The following ADAMTSL1 variants were observed in gnomAD, a reference collection of about 807,000 sequenced individuals.
ADAMTSL1 encodes the protein ADAMTS like 1, also known as ADAMTS-like protein 1.
ADAMTSL1 carries 126 observed loss-of-function variants against 201.8 expected under a neutral mutation model. That is an observed-to-expected ratio of 0.62 (90% CI 0.54 to 0.72). The LOEUF is 0.72. Among genes scored for constraint, ADAMTSL1 ranks in the 30% least tolerant of loss-of-function variants. ADAMTSL1 has a pLI of 0.00. For missense variants in ADAMTSL1, 2,679 were observed against 2,277.8 expected (o/e 1.18, Z -3.59); for synonymous variants, 1,121 against 903.4 (o/e 1.24, Z -4.32).
intron 7 of ADAMTSL1, among the ~76,000 whole-genome samples, chr9:18,657,116 G>C (rs1426703589): frequency 6.6e-6 from 1 of 152,222 alleles, no homozygotes; most frequent in African/African-American, 2.4e-5. Flanking sequence ...CTTTTAGCAA[G>C]CATCTAGTTG....
chr9:18,642,349 G>T (rs1488042008), intron 7 of ADAMTSL1, among the ~76,000 whole-genome samples: 3 of 151,890 alleles, frequency 2.0e-5, no homozygotes, highest in Non-Finnish European at 4.4e-5. Flanking sequence ...TATACAACAT[G>T]TTTTCAAATA....
At chr9:18,365,603 G>C (rs1417335439) in intron 2 of ADAMTSL1, among the ~76,000 whole-genome samples, 1 of 152,148 alleles carries the variant, frequency 6.6e-6, no homozygotes, top group Non-Finnish European at 1.5e-5. Flanking sequence ...GAAGAAAAGG[G>C]AAAGAGGAAC....
chr9:18,627,128 C>T (rs896173969), intron 5 of ADAMTSL1, among the ~76,000 whole-genome samples: 1 of 151,862 alleles, frequency 6.6e-6, no homozygotes, highest in Admixed American at 6.6e-5. Flanking sequence ...ATTACAGGTG[C>T]ACACCATCAT....
At chr9:18,010,256 T>C (rs935986093) in intron 1 of ADAMTSL1, among the ~76,000 whole-genome samples, 23 of 151,970 alleles carry the variant, frequency 1.5e-4, no homozygotes, top group African/African-American at 4.8e-4. Flanking sequence ...CCCTGCATAG[T>C]AGAAAAATTG....
chr9:18,573,166 A>G (rs1201285149), intron 3 of ADAMTSL1: 1 of 152,680 alleles, frequency 6.5e-6, no homozygotes, highest in Admixed American at 6.5e-5. Flanking sequence ...AATTGAGAGA[A>G]TCTCCTCATA....
intron 2 of ADAMTSL1, among the ~76,000 whole-genome samples, chr9:18,378,851 G>A (rs866432813): frequency 3.3e-5 from 5 of 152,028 alleles, no homozygotes; most frequent in South Asian, 2.1e-4. Context: ...CATTACAAAG[G>A]TTAATGGGAT....
At chr9:18,140,312 G>T (rs1251775410) in intron 1 of ADAMTSL1, among the ~76,000 whole-genome samples, 1 of 152,082 alleles carries the variant, frequency 6.6e-6, no homozygotes, top group African/African-American at 2.4e-5. Context: ...GATTTGCCGA[G>T]ACTCAGGACT....
At chr9:17,985,190 A>G (rs940705137) in intron 1 of ADAMTSL1, among the ~76,000 whole-genome samples, 1 of 152,110 alleles carries the variant, frequency 6.6e-6, no homozygotes, top group East Asian at 1.9e-4. Context: ...TTGGATGGTT[A>G]ATAAAAAAGT....
At chr9:17,971,404 T>C (rs1818200399) in intron 1 of ADAMTSL1, among the ~76,000 whole-genome samples, 1 of 152,082 alleles carries the variant, frequency 6.6e-6, no homozygotes, top group East Asian at 1.9e-4. Flanking sequence ...GCCTAAAAAC[T>C]ATCAATACTA....
intron 4 of ADAMTSL1, among the ~76,000 whole-genome samples, chr9:18,584,856 A>G (rs986599667): frequency 6.6e-6 from 1 of 152,204 alleles, no homozygotes; most frequent in Admixed American, 6.5e-5. Flanking sequence ...TCCTCACCAA[A>G]TGCCGGCACC....
intron 1 of ADAMTSL1, among the ~76,000 whole-genome samples, chr9:18,132,150 T>C (rs1278507408): frequency 6.6e-6 from 1 of 152,128 alleles, no homozygotes; most frequent in Non-Finnish European, 1.5e-5. Flanking sequence ...CCAAACAAGA[T>C]GCCCTACTTT....
chr9:18,576,993 G>A (rs989815820), intron 4 of ADAMTSL1, among the ~76,000 whole-genome samples: 6 of 152,022 alleles, frequency 3.9e-5, no homozygotes, highest in African/African-American at 1.2e-4. Context: ...ATACAGAGGC[G>A]CAGACCATTT....
At chr9:18,896,753 A>G (rs1829660835) in intron 26 of ADAMTSL1, among the ~76,000 whole-genome samples, 1 of 152,168 alleles carries the variant, frequency 6.6e-6, no homozygotes, top group African/African-American at 2.4e-5. Context: ...TAGTGAGCCA[A>G]TGCAACCAAG....
intron 5 of ADAMTSL1, among the ~76,000 whole-genome samples, chr9:18,625,035 A>T (rs968404241): frequency 2.0e-5 from 3 of 152,182 alleles, no homozygotes; most frequent in Admixed American, 1.3e-4. Flanking sequence ...CTCTGGAAGA[A>T]TCTTCCATCT....
chr9:18,649,491 G>A (rs894742691), intron 7 of ADAMTSL1, among the ~76,000 whole-genome samples: 1 of 152,092 alleles, frequency 6.6e-6, no homozygotes, highest in African/African-American at 2.4e-5. Flanking sequence ...CAGTTTTTCT[G>A]CTCTGTTTTC....
intron 16 of ADAMTSL1, 135 bp downstream of exon 16, chr9:18,753,643 A>G (rs1056828660): frequency 5.2e-6 from 5 of 969,284 alleles, no homozygotes; most frequent in Non-Finnish European, 7.9e-6. Context: ...CCTTCTTAGT[A>G]CTCCCCTAAC....
At chr9:18,613,247 C>A (rs1175992016) in intron 4 of ADAMTSL1, among the ~76,000 whole-genome samples, 1 of 152,158 alleles carries the variant, frequency 6.6e-6, no homozygotes, top group African/African-American at 2.4e-5. Flanking sequence ...AAAAGGAACA[C>A]TTATACACTG....
chr9:18,103,562 A>G (rs889979932), intron 1 of ADAMTSL1, among the ~76,000 whole-genome samples: 2 of 152,208 alleles, frequency 1.3e-5, no homozygotes, highest in African/African-American at 4.8e-5. Context: ...CAAGTGGGCA[A>G]TACAGGATGA....
At chr9:17,963,896 G>A (rs527524187) in intron 1 of ADAMTSL1, among the ~76,000 whole-genome samples, 60 of 152,170 alleles carry the variant, frequency 3.9e-4, no homozygotes, top group African/African-American at 1.1e-3. Context: ...AGCTGGAATC[G>A]TCCTGCTGGC....
Sources: gnomAD v4.1 joint callset for allele counts (sites outside exome capture counted in the v4.1 genomes callset) on GRCh38, gnomAD v4.1.1 for gene constraint, MANE v1.5 for transcripts, NCBI Gene and HGNC (gene_info 2026-07-23, HGNC 2026-07-21) for gene names.